The following SPMIP4 variants were observed in gnomAD, a reference collection of about 807,000 sequenced individuals.
SPMIP4 encodes the protein sperm-associated microtubule inner protein 4.
the SPMIP4 span, chr7:25,142,346 T>C: frequency 1.3e-6 from 2 of 1,543,964 alleles, no homozygotes. Context: ...AATGGAAACA[T>C]CACCTTATTA....
the SPMIP4 span, among the ~76,000 whole-genome samples, chr7:25,177,669 T>C: frequency 1.3e-5 from 2 of 152,200 alleles, no homozygotes; most frequent in African/African-American, 4.8e-5. Context: ...TGTTATTTCA[T>C]ATGTAAAATG....
At chr7:25,180,096 G>A in the SPMIP4 span, 1 of 152,222 alleles carries the variant, frequency 6.6e-6, no homozygotes, top group Non-Finnish European at 1.5e-5. Flanking sequence ...CTGGCAGGCA[G>A]GGGCGGGGGC....
chr7:25,131,132 A>G, the SPMIP4 span, among the ~76,000 whole-genome samples: 1 of 152,180 alleles, frequency 6.6e-6, no homozygotes, highest in African/African-American at 2.4e-5. The surrounding 1 kb of genome is among the most constrained non-coding windows in gnomAD (Gnocchi z 4.2). Flanking sequence ...TCTCATAGGA[A>G]CTTGAACTCT....
At chr7:25,172,840 G>C in the SPMIP4 span, among the ~76,000 whole-genome samples, 1 of 152,004 alleles carries the variant, frequency 6.6e-6, no homozygotes. This position sits in a 1 kb window ranked among gnomAD's most constrained non-coding sequence, Gnocchi z 4.2. Context: ...CTAGAACTTG[G>C]GGCATGTAGA....
the SPMIP4 span, among the ~76,000 whole-genome samples, chr7:25,159,744 C>A: frequency 2.6e-4 from 40 of 151,884 alleles, 1 homozygote; most frequent in South Asian, 6.2e-3. Context: ...TCTGTGGGCA[C>A]GAAACTAAAA....
the SPMIP4 span, among the ~76,000 whole-genome samples, chr7:25,137,101 C>T: frequency 6.6e-6 from 1 of 152,166 alleles, no homozygotes; most frequent in Non-Finnish European, 1.5e-5. Context: ...AAACTTCTGT[C>T]CATCACTAAC....
At chr7:25,164,642 A>T in the SPMIP4 span, among the ~76,000 whole-genome samples, 1 of 151,630 alleles carries the variant, frequency 6.6e-6, no homozygotes, top group Non-Finnish European at 1.5e-5. Flanking sequence ...AAGCATTTTT[A>T]ATTTCAATAG....
chr7:25,171,173 G>A, the SPMIP4 span, among the ~76,000 whole-genome samples: 2 of 152,164 alleles, frequency 1.3e-5, no homozygotes, highest in African/African-American at 4.8e-5. Flanking sequence ...GTACTATGCA[G>A]TGGACTGGCG....
At chr7:25,136,407 C>G in the SPMIP4 span, 2 of 1,614,154 alleles carry the variant, frequency 1.2e-6, no homozygotes, top group Non-Finnish European at 1.7e-6. The surrounding 1 kb of genome is among the most constrained non-coding windows in gnomAD (Gnocchi z 5.7). Context: ...TTTTTAGTGA[C>G]TGCTGTCTCC....
At chr7:25,131,801 A>G in the SPMIP4 span, among the ~76,000 whole-genome samples, 1 of 152,182 alleles carries the variant, frequency 6.6e-6, no homozygotes, top group African/African-American at 2.4e-5. This position sits in a 1 kb window ranked among gnomAD's most constrained non-coding sequence, Gnocchi z 4.2. Flanking sequence ...TGTTCAGCTC[A>G]ATTAGGACGA....
At chr7:25,137,301 CTTTTTT>C in the SPMIP4 span, among the ~76,000 whole-genome samples, 3 of 127,096 alleles carry the variant, frequency 2.4e-5, no homozygotes, top group South Asian at 2.4e-4. Flanking sequence ...GCTGAATTTT[CTTTTTT>C]TTTTTTTTTT....
the SPMIP4 span, chr7:25,136,287 T>G: frequency 5.6e-6 from 9 of 1,614,166 alleles, 1 homozygote; most frequent in Non-Finnish European, 6.8e-6. This position sits in a 1 kb window ranked among gnomAD's most constrained non-coding sequence, Gnocchi z 5.7. Flanking sequence ...AAACACTAGG[T>G]TTACTAAGGC....
chr7:25,140,044 T>C, the SPMIP4 span, among the ~76,000 whole-genome samples: 3 of 152,242 alleles, frequency 2.0e-5, no homozygotes, highest in Admixed American at 2.0e-4. Context: ...TAATGGAATA[T>C]GTATTTTGTA....
the SPMIP4 span, among the ~76,000 whole-genome samples, chr7:25,129,624 T>C: frequency 1.3e-5 from 2 of 152,160 alleles, no homozygotes; most frequent in Admixed American, 1.3e-4. Context: ...TTGGTTCTTA[T>C]GAAGGTTCTT....
At chr7:25,157,714 TAAG>T in the SPMIP4 span, among the ~76,000 whole-genome samples, 1 of 151,946 alleles carries the variant, frequency 6.6e-6, no homozygotes, top group South Asian at 2.1e-4. Flanking sequence ...AAGAGGAACC[TAAG>T]GAGAGATGGT....
chr7:25,177,447 C>T, the SPMIP4 span, among the ~76,000 whole-genome samples: 1 of 152,164 alleles, frequency 6.6e-6, no homozygotes, highest in African/African-American at 2.4e-5. Flanking sequence ...TGTGCCACTG[C>T]ACTCCAGCCT....
At chr7:25,175,796 G>C in the SPMIP4 span, among the ~76,000 whole-genome samples, 1 of 152,206 alleles carries the variant, frequency 6.6e-6, no homozygotes, top group African/African-American at 2.4e-5. Context: ...TTGGTCTGAA[G>C]AAGTGAGGCT....
At chr7:25,173,164 T>C in the SPMIP4 span, among the ~76,000 whole-genome samples, 2 of 151,916 alleles carry the variant, frequency 1.3e-5, no homozygotes, top group Non-Finnish European at 2.9e-5. The surrounding 1 kb of genome is among the most constrained non-coding windows in gnomAD (Gnocchi z 4.4). Context: ...GTATGGACTG[T>C]GGAGCTACTT....
chr7:25,126,276 T>A, the SPMIP4 span, among the ~76,000 whole-genome samples: 1 of 152,168 alleles, frequency 6.6e-6, no homozygotes, highest in Admixed American at 6.5e-5. Flanking sequence ...TCTTCTTCAG[T>A]GGCGCCATTT....
Sources: allele counts gnomAD v4.1 joint callset (sites outside exome capture counted in the v4.1 genomes callset), GRCh38; gene constraint gnomAD v4.1.1; non-coding constraint Gnocchi (gnomAD v3.1); transcripts MANE v1.5; gene names NCBI Gene and HGNC (gene_info 2026-07-23, HGNC 2026-07-21).